The following VPS41 variants were observed in gnomAD, a reference collection of about 807,000 sequenced individuals.
VPS41 encodes VPS41 subunit of HOPS complex.
VPS41 carries 85 observed loss-of-function variants against 130.9 expected under a neutral mutation model. The observed-to-expected ratio is 0.65, with a 90% confidence interval of 0.55 to 0.78. VPS41 has a LOEUF of 0.78. Ranked by LOEUF, VPS41 falls within the 30% of genes least tolerant of loss-of-function variation. VPS41 has a pLI of 0.00. For synonymous variants in VPS41, 335 were observed against 332.9 expected (o/e 1.01, Z -0.07); for missense variants, 874 against 1,018.7 (o/e 0.86, Z 1.93).
chr7:38,900,869 G>A (rs755738160), intron 1 of VPS41, among the ~76,000 whole-genome samples: 8 of 152,154 alleles, frequency 5.3e-5, no homozygotes, highest in Non-Finnish European at 1.2e-4. Context: ...GAATTAGGCT[G>A]GTCTGTTATT....
chr7:38,815,395 A>G (rs1478084257), intron 7 of VPS41, among the ~76,000 whole-genome samples: 1 of 152,238 alleles, frequency 6.6e-6, no homozygotes, highest in East Asian at 1.9e-4. Flanking sequence ...CTGCACCCCA[A>G]CTTGGGCAAC....
chr7:38,885,296 A>G (rs909483833), intron 2 of VPS41, among the ~76,000 whole-genome samples: 2 of 152,076 alleles, frequency 1.3e-5, no homozygotes, highest in Non-Finnish European at 2.9e-5. Context: ...GACGGTCTCG[A>G]TCTCCCCACC....
At chr7:38,796,310 A>G (rs1447681408) in intron 8 of VPS41, 1 of 337,964 alleles carries the variant, frequency 3.0e-6, no homozygotes, top group African/African-American at 2.2e-5. Flanking sequence ...GAAAATTACG[A>G]TCCACTTTCT....
intron 22 of VPS41, among the ~76,000 whole-genome samples, chr7:38,749,010 C>T (rs1305180293): frequency 6.6e-6 from 1 of 152,088 alleles, no homozygotes; most frequent in East Asian, 1.9e-4. Context: ...AAAAGAAATA[C>T]AAATAATTTT....
intron 2 of VPS41, among the ~76,000 whole-genome samples, chr7:38,875,919 G>T (rs1257830597): frequency 6.6e-6 from 1 of 152,136 alleles, no homozygotes; most frequent in Non-Finnish European, 1.5e-5. Flanking sequence ...AATCTGGATG[G>T]CATGGGTCTA....
intron 2 of VPS41, among the ~76,000 whole-genome samples, chr7:38,882,639 G>A (rs1317722810): frequency 6.6e-6 from 1 of 152,078 alleles, no homozygotes; most frequent in East Asian, 1.9e-4. Flanking sequence ...TTTTCACCCT[G>A]AGCACCAAAA....
At position 38,796,837 on chromosome 7, in the gene VPS41, T is replaced by G. The variant is rs1277901307; in HGVS notation, c.478A>C (p.Asn160His). Reference protein sequence around the residue: ...KLLLFERSWMNRWKSAVLHEG... With the variant: ...KLLLFERSWMHRWKSAVLHEG... The stretch of plus-strand genomic sequence containing the variant: ...TGCAGAACAGCAGACTTCCATCTGT[T>G]CATCCAAGACCGTTCAAACAGTAGC... Residue 160 changes from asparagine to histidine, a missense_variant, in exon 8 of 29, where the codon AAC (asparagine) becomes CAC (histidine). Physicochemically the swap from Asn to His is moderately conservative, Grantham distance 68. Transcript: ENST00000310301. 5 of 1,613,860 alleles carry G rather than the reference T, an allele frequency of 3.1e-6. No homozygotes were observed. Among genetic ancestry groups the G allele is most frequent in the Admixed American group, 1.7e-5 (1 of 59,998 alleles).
At chr7:38,892,709 C>G (rs1786893102) in intron 2 of VPS41, among the ~76,000 whole-genome samples, 1 of 152,094 alleles carries the variant, frequency 6.6e-6, no homozygotes, top group Admixed American at 6.6e-5. Context: ...TACAAAGTAC[C>G]ACTTTAAAGA....
At chr7:38,839,890 C>A (rs980628576) in intron 4 of VPS41, among the ~76,000 whole-genome samples, 1 of 152,218 alleles carries the variant, frequency 6.6e-6, no homozygotes, top group African/African-American at 2.4e-5. Context: ...GGAGAACTTT[C>A]ATGAAGCTCT....
chr7:38,787,662 G>A (rs942926733), intron 10 of VPS41, among the ~76,000 whole-genome samples: 7 of 152,156 alleles, frequency 4.6e-5, no homozygotes, highest in African/African-American at 1.4e-4. Flanking sequence ...ACAGCCATAC[G>A]TATTTCTTTA....
At chr7:38,764,850 C>CA (rs1310098161) in intron 16 of VPS41, among the ~76,000 whole-genome samples, 2 of 151,000 alleles carry the variant, frequency 1.3e-5, no homozygotes, top group East Asian at 1.9e-4. Flanking sequence ...ACATGATATT[C>CA]AAAAAAAAGG....
At chr7:38,814,403 G>C (rs541093113) in intron 7 of VPS41, among the ~76,000 whole-genome samples, 1 of 152,278 alleles carries the variant, frequency 6.6e-6, no homozygotes, top group Non-Finnish European at 1.5e-5. Flanking sequence ...TGTAAGCCCA[G>C]CACTTTGGAA....
chr7:38,816,551 T>C (rs1785052826), intron 7 of VPS41, among the ~76,000 whole-genome samples: 1 of 152,184 alleles, frequency 6.6e-6, no homozygotes, highest in Non-Finnish European at 1.5e-5. Context: ...CCAAACCGAA[T>C]AGTAAATAAT....
chr7:38,864,048 G>C (rs575789525), intron 3 of VPS41, among the ~76,000 whole-genome samples: 1 of 152,272 alleles, frequency 6.6e-6, no homozygotes, highest in East Asian at 1.9e-4. Context: ...GATAAGAATT[G>C]AAAACAATAC....
intron 4 of VPS41, among the ~76,000 whole-genome samples, chr7:38,845,426 G>T (rs901918771): frequency 1.3e-5 from 2 of 152,180 alleles, no homozygotes; most frequent in African/African-American, 4.8e-5. Flanking sequence ...CACCTTCCGG[G>T]ATGCTACAAA....
intron 5 of VPS41, 55 bp downstream of exon 5, chr7:38,830,199 G>A (rs975505984): frequency 1.6e-5 from 18 of 1,130,204 alleles, no homozygotes; most frequent in Non-Finnish European, 2.2e-5. Context: ...GTGCTGTTCC[G>A]ATCACCTGGG....
intron 23 of VPS41, among the ~76,000 whole-genome samples, chr7:38,744,434 C>G (rs954167194): frequency 6.6e-6 from 1 of 152,100 alleles, no homozygotes; most frequent in Non-Finnish European, 1.5e-5. Context: ...CCATTTGATA[C>G]CCCTTCCACA....
At chr7:38,831,421 G>T (rs1009352450) in intron 4 of VPS41, 2 of 333,354 alleles carry the variant, frequency 6.0e-6, no homozygotes, top group African/African-American at 4.4e-5. Context: ...ACTAGTACTG[G>T]AAAGCATACA....
At chr7:38,803,287 T>C (rs900064719) in intron 7 of VPS41, among the ~76,000 whole-genome samples, 12 of 152,222 alleles carry the variant, frequency 7.9e-5, no homozygotes, top group African/African-American at 2.9e-4. Context: ...AGAGTATCAT[T>C]GGCCCTGTTT....
Sources: allele counts gnomAD v4.1 joint callset (sites outside exome capture counted in the v4.1 genomes callset), GRCh38; gene constraint gnomAD v4.1.1; transcripts MANE v1.5; gene names NCBI Gene and HGNC (gene_info 2026-07-23, HGNC 2026-07-21).